DMXL2: variants seen among roughly 807,000 people sequenced by gnomAD.
DMXL2 encodes the protein dmX-like protein 2.
In DMXL2, 103 loss-of-function variants were observed where a neutral mutation model predicts 331.1. That is an observed-to-expected ratio of 0.31 (90% CI 0.27 to 0.37). The LOEUF (loss-of-function observed/expected upper bound fraction) is 0.37. DMXL2 is among the 10% of genes least tolerant of loss of function. DMXL2 has a pLI of 1.00. For synonymous variants in DMXL2, 1,281 were observed against 1,252.1 expected (o/e 1.02, Z -0.49); for missense variants, 3,171 against 3,642.9 (o/e 0.87, Z 3.33).
chr15:51,457,029 AG>A (rs1228513207), intron 37 of DMXL2, among the ~76,000 whole-genome samples: 1 of 152,128 alleles, frequency 6.6e-6, no homozygotes, highest in Non-Finnish European at 1.5e-5. Flanking sequence ...AAAATTAGCC[AG>A]GCACGCTGGC....
chr15:51,449,273 C>T, intron 43 of DMXL2, 80 bp from the exon 44 acceptor site: 1 of 1,411,682 alleles, frequency 7.1e-7, no homozygotes, highest in Non-Finnish European at 9.8e-7. Context: ...TCCCTTGGCC[C>T]AAGTGATCTC....
chr15:51,514,930 T>A (rs1392978885), intron 14 of DMXL2, among the ~76,000 whole-genome samples: 1 of 151,786 alleles, frequency 6.6e-6, no homozygotes, highest in Non-Finnish European at 1.5e-5. Flanking sequence ...CACAACTGAC[T>A]AGGGAGGGCT....
At chr15:51,589,375 T>C (rs1219751308) in intron 1 of DMXL2, among the ~76,000 whole-genome samples, 1 of 152,260 alleles carries the variant, frequency 6.6e-6, no homozygotes, top group African/African-American at 2.4e-5. Flanking sequence ...CTATTTCCAA[T>C]TACTCTGAAG....
chr15:51,500,120 G>C lies in DMXL2; in HGVS notation c.3104C>G (p.Pro1035Arg), dbSNP rs372199887. ...TTTCTCATCACTTTTATTACACTCT[G>C]GGTTGGCTTCCATACAACATTTCCA... The part of the protein sequence containing the change: ...RFWKCCMEAN[P>R]ECNKSDEKEI... The change falls in exon 18 of 44, where the codon CCA (proline) becomes CGA (arginine). Residue 1035 changes from proline (P) to arginine (R), a missense_variant. Pro to Arg is a moderately radical substitution (Grantham distance 103). Transcript: ENST00000560891. 90 of 1,613,916 alleles carry C rather than the reference G, an allele frequency of 5.6e-5. No homozygotes were observed. The Middle Eastern group carries it at 8.2e-4, about 15-fold the overall frequency.
rs1485490255 is a variant in DMXL2, at chr15:51,622,708, C to T, written c.-163G>A. 2.4e-5 allele frequency: 33 copies of T among 1,354,562 alleles called. No homozygotes were observed. Among genetic ancestry groups the T allele is most frequent in the Non-Finnish European group, 3.1e-5 (32 of 1,028,992 alleles). The allele number at this position is 1,354,562 out of a possible 1,614,324, so 83.9% of individuals were successfully genotyped here. ...CCCCCCTTTCGCCTTCCCTCCGCCT[C>T]GTCCCTGCCATGGGAGCTCCTCGAC... On this transcript the variant is annotated 5_prime_UTR_variant, in exon 1 of 44. Coordinates refer to ENST00000560891, the MANE Select transcript of DMXL2 (RefSeq NM_001378457.1).
intron 1 of DMXL2, among the ~76,000 whole-genome samples, chr15:51,583,486 A>G (rs2051630326): frequency 2.8e-5 from 1 of 35,970 alleles, no homozygotes. Context: ...ATAGTATTCC[A>G]TGGTGTATAT....
In DMXL2 at chr15:51,614,095, C is replaced by T. The variant is rs75794195; in HGVS notation, c.87+8364G>A. Among the ~76,000 whole-genome samples, 396 of 152,224 alleles carry T rather than the reference C, an allele frequency of 2.6e-3. 18 individuals carry two copies. In the East Asian group the frequency reaches 0.061, roughly 24 times the overall value. ...TAAATGAGATCTTAAGGGTGGGGCCCTATAAGACTAGCGTCCCTAAGAAGA... is the reference window on the plus strand; with the variant it reads ...TAAATGAGATCTTAAGGGTGGGGCCTTATAAGACTAGCGTCCCTAAGAAGA... On this transcript the variant is annotated intron_variant, in intron 1 of 43. Transcript: ENST00000560891.
Position 51,450,537 on chromosome 15 carries a change from A to G in DMXL2, c.8750-191T>C, listed in dbSNP as rs191794537. 1.2e-5 allele frequency: 7 copies of G among 600,660 alleles called. No homozygotes were observed. The Admixed American group carries it at 1.5e-4, about 13-fold the overall frequency. 37.2% of individuals were successfully genotyped at this position (600,660 alleles called of 1,614,324 possible). ...AAAATGTTAAGCAATGTCAGAACAA[A>G]CTTTTTATCCATAATCTCAATATGA... On this transcript the variant is annotated intron_variant, in intron 42 of 43. Coordinates refer to ENST00000560891, the MANE Select transcript of DMXL2 (RefSeq NM_001378457.1).
intron 43 of DMXL2, 106 bp downstream of exon 43, chr15:51,450,023 A>G: frequency 9.8e-7 from 1 of 1,017,366 alleles, no homozygotes; most frequent in Non-Finnish European, 1.5e-6. Flanking sequence ...TCCATGCAGT[A>G]GCCCAAGTGA....
intron 6 of DMXL2, among the ~76,000 whole-genome samples, chr15:51,557,694 G>C (rs1285304920): frequency 6.6e-6 from 1 of 152,110 alleles, no homozygotes; most frequent in Non-Finnish European, 1.5e-5. Context: ...ATGAACTAGA[G>C]AAAAGAGCCT....
At chr15:51,534,254 G>T (rs931168358) in intron 13 of DMXL2, among the ~76,000 whole-genome samples, 1 of 152,140 alleles carries the variant, frequency 6.6e-6, no homozygotes, top group Non-Finnish European at 1.5e-5. Context: ...ACTGAAAACT[G>T]CTCAGAAGAG....
intron 8 of DMXL2, 114 bp from the exon 9 acceptor site, chr15:51,542,621 AT>A: frequency 1.4e-6 from 1 of 723,430 alleles, no homozygotes; most frequent in Non-Finnish European, 2.1e-6. Flanking sequence ...AAACCTGATC[AT>A]TTTAAAGGAA....
At chr15:51,496,288 A>AT (rs2043173824) in intron 18 of DMXL2, among the ~76,000 whole-genome samples, 1 of 152,202 alleles carries the variant, frequency 6.6e-6, no homozygotes. Flanking sequence ...TAAACAAATA[A>AT]TATGTGGAAA....
chr15:51,462,653 T>A (rs1778842944), intron 33 of DMXL2, among the ~76,000 whole-genome samples: 1 of 152,128 alleles, frequency 6.6e-6, no homozygotes. Flanking sequence ...GCCAAATCTT[T>A]AATTACATCA....
At chr15:51,472,290 A>G (rs1328782294) in intron 28 of DMXL2, among the ~76,000 whole-genome samples, 1 of 152,172 alleles carries the variant, frequency 6.6e-6, no homozygotes, top group African/African-American at 2.4e-5. Context: ...ACCTCAAACT[A>G]TACCCAGAAT....
intron 1 of DMXL2, among the ~76,000 whole-genome samples, chr15:51,621,549 G>A (rs1454574942): frequency 1.3e-5 from 2 of 152,172 alleles, no homozygotes; most frequent in Non-Finnish European, 2.9e-5. Context: ...CTCAATTTAT[G>A]GGAGTCTATC....
intron 1 of DMXL2, among the ~76,000 whole-genome samples, chr15:51,582,461 G>C (rs143763132): frequency 6.6e-6 from 1 of 152,220 alleles, no homozygotes; most frequent in African/African-American, 2.4e-5. Flanking sequence ...AGGGTTGTCT[G>C]GGCTTTGATG....
chr15:51,534,127 A>G (rs1031920689), intron 13 of DMXL2, among the ~76,000 whole-genome samples: 1 of 152,158 alleles, frequency 6.6e-6, no homozygotes, highest in African/African-American at 2.4e-5. Flanking sequence ...TCAGCTCATG[A>G]TGAGTCAATT....
At chr15:51,618,138 T>C (rs1447220969) in intron 1 of DMXL2, among the ~76,000 whole-genome samples, 1 of 152,284 alleles carries the variant, frequency 6.6e-6, no homozygotes, top group East Asian at 1.9e-4. Flanking sequence ...AACCAACCCC[T>C]TGATTCCCCT....
Sources: gnomAD v4.1 joint callset for allele counts (sites outside exome capture counted in the v4.1 genomes callset) on GRCh38, gnomAD v4.1.1 for gene constraint, MANE v1.5 for transcripts, NCBI Gene and HGNC (gene_info 2026-07-23, HGNC 2026-07-21) for gene names.